The following SUSD2 variants were observed in gnomAD, a reference collection of about 807,000 sequenced individuals.
The protein encoded by SUSD2 is sushi domain-containing protein 2.
A neutral mutation model predicts 93.8 loss-of-function variants in SUSD2; 86 were observed. That is an observed-to-expected ratio of 0.92 (90% CI 0.77 to 1.10). SUSD2 has a LOEUF of 1.10. Among genes scored for constraint, SUSD2 ranks in the 50% least tolerant of loss-of-function variants. The pLI, the probability that SUSD2 is intolerant of heterozygous loss-of-function variation, is 0.00. For missense variants in SUSD2, 1,060 were observed against 1,137.0 expected (o/e 0.93, Z 0.97); for synonymous variants, 483 against 485.0 (o/e 1.00, Z 0.05).
At chr22:24,183,932 G>T (rs1340935941) in intron 3 of SUSD2, 2 of 662,942 alleles carry the variant, frequency 3.0e-6, no homozygotes, top group Non-Finnish European at 2.5e-6. Context: ...CCAGGTCGAG[G>T]CTAGAGGCGT....
Position 24,187,668 on chromosome 22 carries a change from C to T in SUSD2, c.1989C>T (p.Pro663=). 1 of 1,614,104 alleles carries T rather than the reference C, an allele frequency of 6.2e-7. No individual in the cohort carries two copies. Among genetic ancestry groups the T allele is most frequent in the Non-Finnish European group, 8.5e-7 (1 of 1,180,020 alleles). The stretch of plus-strand genomic sequence containing the variant: ...CCAAGCACGACCCCACCTTCGAGCC[C>T]CTCTTCCCCAGTGAGACCACCCTCA... ...YQPKHDPTFE[P]LFPSETTLNP... The change falls in exon 12 of 15, where the codon CCC becomes CCT. Residue 663 remains proline, a synonymous_variant. Transcript: ENST00000358321.
Position 24,186,159 on chromosome 22 carries a change from G to A in SUSD2, c.1483G>A (p.Gly495Ser), listed in dbSNP as rs770374705. Reference protein sequence around the residue: ...ARAQPGTMSNGTETRGTGLTA... With the variant: ...ARAQPGTMSNSTETRGTGLTA... The stretch of plus-strand genomic sequence containing the variant: ...GGCCCAGCCCGGGACGATGTCCAAC[G>A]GTGAGGCCAGGGCTAGGGGCTGCTC... Residue 495 changes from glycine (G) to serine (S), a missense_variant and splice_region_variant, in exon 9 of 15, where the codon GGC (glycine) becomes AGC (serine). Gly to Ser is a moderately conservative substitution (Grantham distance 56, BLOSUM62 0). Around this residue, in one of 2 missense-constraint regions of SUSD2, gnomAD observed 973 missense variants for 1,005.3 expected, o/e 0.97. Coordinates refer to ENST00000358321, the MANE Select transcript of SUSD2 (RefSeq NM_019601.4). 39 of 1,608,628 alleles carry A rather than the reference G, an allele frequency of 2.4e-5. No homozygotes were observed. Among genetic ancestry groups the A allele is most frequent in the South Asian group, 9.9e-5 (9 of 90,636 alleles).
At chr22:24,187,069 C>G in intron 10 of SUSD2, 133 bp from the exon 11 acceptor site, 1 of 1,247,568 alleles carries the variant, frequency 8.0e-7, no homozygotes, top group Non-Finnish European at 1.1e-6. Flanking sequence ...AGAATTGGCC[C>G]CGGGAACGCC....
chr22:24,182,871 C>G, intron 1 of SUSD2, 186 bp from the exon 2 acceptor site: 1 of 601,200 alleles, frequency 1.7e-6, no homozygotes, highest in Non-Finnish European at 3.0e-6. Flanking sequence ...TGCTAAGATT[C>G]ATCCCATCCC....
intron 2 of SUSD2, 92 bp downstream of exon 2, chr22:24,183,359 C>T (rs1180878800): frequency 2.4e-5 from 36 of 1,531,822 alleles, no homozygotes; most frequent in Non-Finnish European, 3.1e-5. Context: ...CTGAGTGGAG[C>T]CCCTCGGACC....
At chr22:24,184,641 A>G in intron 4 of SUSD2, 125 bp from the exon 5 acceptor site, 2 of 762,076 alleles carry the variant, frequency 2.6e-6, no homozygotes, top group Non-Finnish European at 4.3e-6. Flanking sequence ...TCCCTGCTAG[A>G]ACAGCCCCTC....
chr22:24,184,370 C>CA, intron 4 of SUSD2, 67 bp downstream of exon 4: 1 of 1,539,278 alleles, frequency 6.5e-7, no homozygotes, highest in Non-Finnish European at 8.9e-7. Flanking sequence ...AAAGGGGGTC[C>CA]CAGCTGTGTG....
chr22:24,185,764 TG>T lies in SUSD2; in HGVS notation c.1178del (p.Gly393AlafsTer64). ...GGSTPDRGHD[W>X]GAPPFRTPPR... ...CAGCACTCCCGACCGCGGCCATGAC[TG>T]GGGCGCACCCCCGTTCCGCACGCCA... On this transcript the variant is annotated frameshift_variant, in exon 8 of 15. Coordinates refer to ENST00000358321, the MANE Select transcript of SUSD2 (RefSeq NM_019601.4). LOFTEE classifies it high-confidence loss of function. 6.2e-7 allele frequency: 1 copy of T among 1,609,846 alleles called. No individual in the cohort carries two copies. Among genetic ancestry groups the T allele is most frequent in the Non-Finnish European group, 8.5e-7 (1 of 1,178,834 alleles).
rs1371191203 is a variant in SUSD2, at chr22:24,185,468, C to A, written c.985-18C>A. ...AGAACCCGAGGCCACTGGGTGACAG[C>A]CACCTGCTGCTCTGCAGACGGACTA... On this transcript the variant is annotated intron_variant, in intron 6 of 14. Transcript: ENST00000358321. The A allele has an allele frequency of 1.9e-6, 3 of 1,554,296 alleles. No individual in the cohort carries two copies. Among genetic ancestry groups the A allele is most frequent in the Admixed American group, 3.9e-5 (2 of 51,390 alleles).
rs200724614 is a variant in SUSD2 at position 24,187,409 on chromosome 22, C to A, written c.1850C>A (p.Pro617Gln). ...CTGCACAGCGGGCGCGTCCTGCCCC[C>A]AGGCACCAGTCCCCAGGAGCTGTTC... ...FTLHSGRVLP[P>Q]GTSPQELFLF... Residue 617 changes from proline to glutamine, a missense_variant, in exon 11 of 15, where the codon CCA (proline) becomes CAA (glutamine). Physicochemically the swap from Pro to Gln is moderately conservative, Grantham distance 76. This residue lies in a region of SUSD2 where 973 missense variants were observed against 1,005.3 expected (regional missense o/e 0.97). Transcript: ENST00000358321. The A allele has an allele frequency of 4.3e-6, 7 of 1,613,604 alleles. No homozygotes were observed. In the Admixed American group the frequency reaches 1.2e-4, roughly 27 times the overall value.
rs1368764988 is a variant in SUSD2, at chr22:24,188,505, C to T, written c.*69C>T. 7 of 1,487,462 alleles carry T rather than the reference C, an allele frequency of 4.7e-6. No individual in the cohort carries two copies. In the East Asian group the frequency reaches 6.9e-5, roughly 15 times the overall value. 92.1% of individuals were successfully genotyped at this position (1,487,462 alleles called of 1,614,324 possible). ...ACAGGCAGCCCAGTCCTGCGACTCCCGCATCCCCAGGACCAGACACCTGGG... is the reference window on the plus strand; with the variant it reads ...ACAGGCAGCCCAGTCCTGCGACTCCTGCATCCCCAGGACCAGACACCTGGG... On this transcript the variant is annotated 3_prime_UTR_variant, in exon 15 of 15. Coordinates refer to ENST00000358321, the MANE Select transcript of SUSD2 (RefSeq NM_019601.4). This position sits in a 1 kb window ranked among gnomAD's most constrained non-coding sequence, Gnocchi z 4.7.
Position 24,188,055 on chromosome 22 carries a change from G to T in SUSD2, c.2261G>T (p.Gly754Val). The T allele has an allele frequency of 6.2e-7, 1 of 1,612,864 alleles. No homozygotes were observed. Among genetic ancestry groups the T allele is most frequent in the African/African-American group, 1.3e-5 (1 of 75,020 alleles). ...GSTIYFHCDN[G>V]YSLAGAETST... The stretch of plus-strand genomic sequence containing the variant: ...ACCATCTACTTCCACTGTGACAACG[G>T]CTACAGCCTGGCCGGGGCAGAGACC... Residue 754 changes from glycine to valine, a missense_variant, in exon 13 of 15, where the codon GGC becomes GTC. By Grantham distance (109) the Gly-to-Val change is moderately radical. This residue lies in a region of SUSD2 where 973 missense variants were observed against 1,005.3 expected (regional missense o/e 0.97). Transcript: ENST00000358321. This position sits in a 1 kb window ranked among gnomAD's most constrained non-coding sequence, Gnocchi z 4.7.
chr22:24,188,404 T>C lies in SUSD2; in HGVS notation c.2445-8T>C. The C allele has an allele frequency of 6.2e-7, 1 of 1,611,400 alleles. No homozygotes were observed. ...CCGAGGCTACTTCTAACTGCGTTTC[T>C]GTTGCAGGCACGTCTGGGGTGCACA... On this transcript the variant is annotated splice_polypyrimidine_tract_variant and splice_region_variant and intron_variant, in intron 14 of 14. Coordinates refer to ENST00000358321, the MANE Select transcript of SUSD2 (RefSeq NM_019601.4). The surrounding 1 kb of genome is among the most constrained non-coding windows in gnomAD (Gnocchi z 4.7).
At chr22:24,185,441 A>G (rs1340703221) in intron 6 of SUSD2, 45 bp from the exon 7 acceptor site, 6 of 1,546,414 alleles carry the variant, frequency 3.9e-6, no homozygotes, top group Non-Finnish European at 5.3e-6. Flanking sequence ...GGAGGGGATG[A>G]CAGAACCCGA....
Position 24,186,114 on chromosome 22 carries a change from G to C in SUSD2, c.1438G>C (p.Asp480His), listed in dbSNP as rs143852867. Reference sequence around the variant, plus strand: ...CGTGCTGCTGGAGGCAGCGCTGACCGACCTGAGGGTGCAGGCGCGGGCCCA... The same window carrying C: ...CGTGCTGCTGGAGGCAGCGCTGACCCACCTGAGGGTGCAGGCGCGGGCCCA... ...EYVLLEAALT[D>H]LRVQARAQPG... is the part of the protein sequence containing the mutation. The change falls in exon 9 of 15, where the codon GAC becomes CAC. Residue 480 changes from aspartate (D) to histidine (H), a missense_variant. Asp to His is a moderately conservative substitution (Grantham distance 81). This residue lies in a region of SUSD2 where 973 missense variants were observed against 1,005.3 expected (regional missense o/e 0.97). Transcript: ENST00000358321. 3.7e-6 allele frequency: 6 copies of C among 1,612,290 alleles called. No individual in the cohort carries two copies. The African/African-American group carries it at 8.0e-5, about 21-fold the overall frequency.
rs1040022602 is a variant in SUSD2, at chr22:24,189,010, C to G, written c.*574C>G. ...GACCCCCAGCGGCAGAGGCCTCCCT[C>G]GGCACTCCAGGCTTATAATTTCGAA... On this transcript the variant is annotated 3_prime_UTR_variant, in exon 15 of 15. Transcript: ENST00000358321. 10 of 152,622 alleles carry G rather than the reference C, an allele frequency of 6.6e-5. No homozygotes were observed. Among genetic ancestry groups the G allele is most frequent in the African/African-American group, 1.9e-4 (8 of 41,452 alleles). 9.5% of individuals were successfully genotyped at this position (152,622 alleles called of 1,614,324 possible). A position where few individuals can be genotyped will look rare whatever the true frequency, so the allele number is the denominator to read the frequency against.
intron 7 of SUSD2, 35 bp from the exon 8 acceptor site, chr22:24,185,626 A>G (rs936011958): frequency 6.8e-6 from 11 of 1,608,166 alleles, no homozygotes; most frequent in African/African-American, 2.7e-5. Flanking sequence ...TGGGCTCCCA[A>G]CAGTGGCCTG....
intron 1 of SUSD2, 107 bp downstream of exon 1, chr22:24,181,702 T>C: frequency 1.1e-6 from 1 of 889,072 alleles, no homozygotes; most frequent in Non-Finnish European, 1.7e-6. Context: ...TGTCAGGCCA[T>C]CTGTGGCTGT....
At position 24,185,901 on chromosome 22, in the gene SUSD2, C is replaced by G. The variant is rs2047362132; in HGVS notation, c.1311C>G (p.Asp437Glu). 1 of 1,575,666 alleles carries G rather than the reference C, an allele frequency of 6.3e-7. No homozygotes were observed. Among genetic ancestry groups the G allele is most frequent in the Admixed American group, 1.7e-5 (1 of 57,396 alleles). Residue 437 changes from aspartate (D) to glutamate (E), a missense_variant, in exon 8 of 15, where the codon GAC becomes GAG. Asp to Glu is a conservative substitution (Grantham distance 45). Coordinates refer to ENST00000358321, the MANE Select transcript of SUSD2 (RefSeq NM_019601.4). ...PRYMQRRPSN[D>E]CRNYRPPRLA... ...ACATGCAACGGCGGCCCTCCAATGA[C>G]TGCCGCAACTACCGGCCCCCAAGAC...
Sources: allele counts gnomAD v4.1 joint callset, GRCh38; gene constraint gnomAD v4.1.1; regional missense constraint gnomAD v4.1.1; non-coding constraint Gnocchi (gnomAD v3.1); transcripts MANE v1.5; gene names NCBI Gene and HGNC (gene_info 2026-07-23, HGNC 2026-07-21).